The following DSCAML1 variants were observed in gnomAD, a reference collection of about 807,000 sequenced individuals.
DSCAML1 encodes DS cell adhesion molecule like 1, also known as cell adhesion molecule DSCAML1.
In DSCAML1, 38 loss-of-function variants were observed where a neutral mutation model predicts 200.5. The ratio of observed to expected loss-of-function variants is 0.19; its 90% CI spans 0.15 to 0.25. DSCAML1 has a LOEUF of 0.25. Among genes scored for constraint, DSCAML1 ranks in the 10% least tolerant of loss-of-function variants. DSCAML1 has a pLI of 1.00. For synonymous variants in DSCAML1, 1,215 were observed against 1,165.0 expected, an observed-to-expected ratio of 1.04 and a Z score of -0.87; for missense variants, 2,223 against 2,858.8, an observed-to-expected ratio of 0.78 and a Z score of 5.07.
intron 3 of DSCAML1, among the ~76,000 whole-genome samples, chr11:117,645,582 G>A (rs1015147422): frequency 1.3e-5 from 2 of 151,876 alleles, no homozygotes; most frequent in South Asian, 2.1e-4. Context: ...AAAAAATGAC[G>A]AGTTCATGTC....
At chr11:117,735,076 G>A (rs1024261485) in intron 3 of DSCAML1, among the ~76,000 whole-genome samples, 4 of 152,138 alleles carry the variant, frequency 2.6e-5, no homozygotes, top group African/African-American at 7.2e-5. Context: ...GCCTTCCCTC[G>A]GGGGACCAGA....
At chr11:117,487,078 C>T (rs1481940486) in intron 11 of DSCAML1, among the ~76,000 whole-genome samples, 1 of 151,790 alleles carries the variant, frequency 6.6e-6, no homozygotes, top group African/African-American at 2.4e-5. Context: ...GCGCGTACCA[C>T]TACGCCTGGC....
chr11:117,644,873 G>A (rs1180163756), intron 3 of DSCAML1, among the ~76,000 whole-genome samples: 2 of 152,224 alleles, frequency 1.3e-5, no homozygotes, highest in Non-Finnish European at 2.9e-5. Context: ...GAACCCGCCG[G>A]GGCAGCGTCC....
At chr11:117,494,417 C>T (rs1565738411) in intron 11 of DSCAML1, among the ~76,000 whole-genome samples, 1 of 152,190 alleles carries the variant, frequency 6.6e-6, no homozygotes, top group Non-Finnish European at 1.5e-5. Context: ...ATTTTGTGCA[C>T]AGGAGTGTTG....
chr11:117,454,030 A>G (rs1442817270), intron 19 of DSCAML1, among the ~76,000 whole-genome samples: 1 of 152,112 alleles, frequency 6.6e-6, no homozygotes, highest in Non-Finnish European at 1.5e-5. Flanking sequence ...ATGTGTGACA[A>G]TAGAGTTTGT....
upstream of DSCAML1, among the ~76,000 whole-genome samples, chr11:117,799,834 G>A (rs945001114): frequency 6.6e-6 from 1 of 152,250 alleles, no homozygotes; most frequent in Non-Finnish European, 1.5e-5. Flanking sequence ...CATGGCTGAC[G>A]CATAGTGAGC....
At chr11:117,583,464 C>T (rs746567536) in intron 3 of DSCAML1, among the ~76,000 whole-genome samples, 5 of 152,334 alleles carry the variant, frequency 3.3e-5, no homozygotes, top group African/African-American at 7.2e-5. Context: ...CAAATCTGAA[C>T]GCCTGCCAGC....
At chr11:117,474,811 G>T (rs2048755410) in intron 14 of DSCAML1, among the ~76,000 whole-genome samples, 1 of 150,214 alleles carries the variant, frequency 6.7e-6, no homozygotes, top group East Asian at 2.0e-4. Flanking sequence ...CTGGAGTGCA[G>T]TGGCGCGATC....
chr11:117,723,999 G>GCTGGT (rs1384914110), intron 3 of DSCAML1, among the ~76,000 whole-genome samples: 2 of 152,212 alleles, frequency 1.3e-5, no homozygotes, highest in Non-Finnish European at 2.9e-5. Context: ...CTTGGCTACG[G>GCTGGT]CTGGTCCTTT....
At chr11:117,458,166 C>T (rs997728236) in intron 19 of DSCAML1, among the ~76,000 whole-genome samples, 1 of 152,214 alleles carries the variant, frequency 6.6e-6, no homozygotes, top group African/African-American at 2.4e-5. Context: ...ATCCCAGCCT[C>T]CCCTTTTCCC....
At chr11:117,436,759 C>T (rs1398893998) in intron 26 of DSCAML1, among the ~76,000 whole-genome samples, 1 of 152,160 alleles carries the variant, frequency 6.6e-6, no homozygotes, top group African/African-American at 2.4e-5. Flanking sequence ...GCTAATATTC[C>T]ATATCAGCAG....
chr11:117,555,747 C>A (rs545197299), intron 3 of DSCAML1, among the ~76,000 whole-genome samples: 1 of 152,076 alleles, frequency 6.6e-6, no homozygotes, highest in East Asian at 1.9e-4. Context: ...TGCCTTTTAG[C>A]CTGTGCATAG....
intron 5 of DSCAML1, 21 bp downstream of exon 5, chr11:117,524,784 G>A: frequency 6.4e-7 from 1 of 1,560,218 alleles, no homozygotes; most frequent in South Asian, 1.2e-5. Flanking sequence ...TGGGGCTGCA[G>A]AAGGGGCTTC....
intron 3 of DSCAML1, among the ~76,000 whole-genome samples, chr11:117,543,210 G>A (rs1394586931): frequency 1.3e-5 from 2 of 152,202 alleles, no homozygotes; most frequent in Non-Finnish European, 2.9e-5. Flanking sequence ...AAAAAATCCT[G>A]CCATGATCAG....
At chr11:117,512,609 T>C (rs1327242546) in intron 8 of DSCAML1, among the ~76,000 whole-genome samples, 1 of 147,750 alleles carries the variant, frequency 6.8e-6, no homozygotes, top group Non-Finnish European at 1.5e-5. Context: ...ACCCTGAGGG[T>C]GGGGAAGGGG....
intron 11 of DSCAML1, among the ~76,000 whole-genome samples, chr11:117,487,114 G>A (rs544260548): frequency 1.3e-4 from 19 of 151,614 alleles, no homozygotes; most frequent in African/African-American, 4.1e-4. Context: ...TAGTAGAGAC[G>A]GGGTTTCACC....
intron 3 of DSCAML1, among the ~76,000 whole-genome samples, chr11:117,613,650 C>T (rs773576631): frequency 1.2e-4 from 18 of 152,162 alleles, no homozygotes; most frequent in Non-Finnish European, 2.1e-4. Context: ...ATAAGCCAGC[C>T]CCCTCCCTGC....
At chr11:117,635,683 T>A (rs2052268127) in intron 3 of DSCAML1, among the ~76,000 whole-genome samples, 1 of 149,528 alleles carries the variant, frequency 6.7e-6, no homozygotes, top group Non-Finnish European at 1.5e-5. Flanking sequence ...GCAAAGGAGA[T>A]CGATCAAAGT....
chr11:117,594,263 G>A (rs2137492388), intron 3 of DSCAML1, among the ~76,000 whole-genome samples: 1 of 152,318 alleles, frequency 6.6e-6, no homozygotes, highest in Non-Finnish European at 1.5e-5. Context: ...GGGATACTTT[G>A]ACATTTTGGG....
Sources: allele counts gnomAD v4.1 joint callset (sites outside exome capture counted in the v4.1 genomes callset), GRCh38; gene constraint gnomAD v4.1.1; transcripts MANE v1.5; gene names NCBI Gene and HGNC (gene_info 2026-07-23, HGNC 2026-07-21).